Variants in TG observed in about 807,000 individuals in gnomAD.
TG encodes thyroglobulin.
Under a neutral mutation model 324.7 loss-of-function variants are expected in TG, and 270 were observed. The ratio of observed to expected loss-of-function variants is 0.83; its 90% CI spans 0.75 to 0.92. The LOEUF is 0.92. Among genes scored for constraint, TG ranks in the 40% least tolerant of loss-of-function variants. The probability of loss-of-function intolerance (pLI) is 0.00; values close to 1 mark genes in which losing one functional copy is unlikely to be tolerated. For synonymous variants in TG, 1,401 were observed against 1,327.0 expected, an observed-to-expected ratio of 1.06 and a Z score of -1.21; for missense variants, 3,591 against 3,456.4, an observed-to-expected ratio of 1.04 and a Z score of -0.98.
intron 45 of TG, among the ~76,000 whole-genome samples, chr8:133,120,426 AG>A (rs1851051182): frequency 6.6e-6 from 1 of 152,218 alleles, no homozygotes; most frequent in South Asian, 2.1e-4. Flanking sequence ...AAAACTGGGC[AG>A]CTTAGAGCAA....
At chr8:133,096,089 T>C (rs1588083924) in intron 42 of TG, 117 bp from the exon 43 acceptor site, 4 of 1,317,454 alleles carry the variant, frequency 3.0e-6, no homozygotes, top group Non-Finnish European at 4.3e-6. Flanking sequence ...TCACTTTTTC[T>C]CAGTAGAGTC....
At chr8:133,038,787 T>C (rs771000463) in intron 41 of TG, 50 of 1,318,056 alleles carry the variant, frequency 3.8e-5, no homozygotes, top group African/African-American at 1.2e-4. Context: ...AAGAGAGTCA[T>C]AGAGAGAGGA....
rs541592704 is a variant in TG, at chr8:132,941,547, T to A, written c.5233+5T>A. On this transcript the variant is annotated splice_donor_5th_base_variant and intron_variant, in intron 26 of 47. Transcript: ENST00000220616. ...TCCTCACACAGGTTCAAGGAGGTAA[T>A]GTTGGCAGTGAGGGCCAGGGCCTAA... 1 of 1,614,088 alleles carries A rather than the reference T, an allele frequency of 6.2e-7. No homozygotes were observed. The highest frequency in any genetic ancestry group is 1.1e-5 in the South Asian group (1 of 91,090).
chr8:132,927,662 G>T (rs1342207256), intron 22 of TG, among the ~76,000 whole-genome samples: 3 of 152,268 alleles, frequency 2.0e-5, no homozygotes, highest in Non-Finnish European at 1.5e-5. Flanking sequence ...TATCACCAAG[G>T]TGTCTCTTTT....
chr8:132,909,457 G>T (rs757877459), intron 18 of TG, among the ~76,000 whole-genome samples: 28 of 152,302 alleles, frequency 1.8e-4, no homozygotes, highest in Non-Finnish European at 3.2e-4. Flanking sequence ...GAGAGCTGAG[G>T]ACCATGCTGA....
At chr8:133,024,211 C>T (rs1443709694) in intron 40 of TG, among the ~76,000 whole-genome samples, 1 of 152,246 alleles carries the variant, frequency 6.6e-6, no homozygotes, top group Non-Finnish European at 1.5e-5. Context: ...GTAGTGCAGG[C>T]AGCTCCCTCA....
intron 45 of TG, 152 bp from the exon 46 acceptor site, chr8:133,131,660 C>T (rs1295983758): frequency 2.6e-6 from 3 of 1,144,480 alleles, no homozygotes; most frequent in South Asian, 1.6e-5. Flanking sequence ...GCCAAATCTC[C>T]ATTCAACTGG....
chr8:133,013,662 T>G lies in TG; in HGVS notation c.6460T>G (p.Cys2154Gly). ...GCAAACCCAACCTGGGGCTGTGAGA[T>G]GTATGTTCTATGCTGATACTCAAAG... ...TLQTQPGAVR[C>G]MFYADTQSCT... The change falls in exon 37 of 48, where the codon TGT becomes GGT. Residue 2154 changes from cysteine to glycine, a missense_variant. Transcript: ENST00000220616. 1 of 1,614,190 alleles carries G rather than the reference T, an allele frequency of 6.2e-7. No individual in the cohort carries two copies. Among genetic ancestry groups the G allele is most frequent in the Non-Finnish European group, 8.5e-7 (1 of 1,180,034 alleles).
chr8:133,029,792 A>G (rs1348793035), intron 40 of TG, 29 bp from the exon 41 acceptor site: 1 of 1,613,760 alleles, frequency 6.2e-7, no homozygotes, highest in Non-Finnish European at 8.5e-7. Flanking sequence ...AAAGTCACAA[A>G]GGATAAAAGG....
At chr8:132,930,348 A>G in intron 23 of TG, among the ~76,000 whole-genome samples, 1 of 152,170 alleles carries the variant, frequency 6.6e-6, no homozygotes, top group East Asian at 1.9e-4. Context: ...GGATTGTCAT[A>G]TACCTGCTCA....
intron 35 of TG, among the ~76,000 whole-genome samples, chr8:133,008,375 C>G (rs887712240): frequency 6.6e-6 from 1 of 152,070 alleles, no homozygotes; most frequent in Non-Finnish European, 1.5e-5. Flanking sequence ...AGAAGAAACA[C>G]CCACCAAAAC....
At chr8:132,987,000 CA>C (rs1456500391) in intron 35 of TG, among the ~76,000 whole-genome samples, 4 of 151,916 alleles carry the variant, frequency 2.6e-5, no homozygotes, top group African/African-American at 9.7e-5. Context: ...GGTGATTTTA[CA>C]ATGCTTCCAC....
intron 40 of TG, among the ~76,000 whole-genome samples, chr8:133,025,125 C>T (rs1012383693): frequency 6.6e-6 from 1 of 152,234 alleles, no homozygotes; most frequent in Non-Finnish European, 1.5e-5. Context: ...CAAAGACATT[C>T]ACATCCTCAC....
intron 26 of TG, among the ~76,000 whole-genome samples, chr8:132,944,386 C>T (rs1039022929): frequency 9.9e-5 from 15 of 152,214 alleles, no homozygotes; most frequent in African/African-American, 3.4e-4. Flanking sequence ...TTAGGCTCTC[C>T]TTGTGATTTC....
intron 29 of TG, among the ~76,000 whole-genome samples, chr8:132,965,567 C>T (rs896355653): frequency 6.6e-6 from 1 of 152,324 alleles, no homozygotes; most frequent in African/African-American, 2.4e-5. Flanking sequence ...GTTGTACATC[C>T]CCCTGGAAGA....
chr8:133,106,484 G>A, intron 43 of TG: 6 of 985,066 alleles, frequency 6.1e-6, no homozygotes, highest in Non-Finnish European at 7.2e-6. Flanking sequence ...AAGGTAGGGT[G>A]AGGCTCTCCC....
chr8:133,086,678 A>G (rs1846614598), intron 41 of TG, among the ~76,000 whole-genome samples: 5 of 152,222 alleles, frequency 3.3e-5, no homozygotes, highest in Admixed American at 1.3e-4. Flanking sequence ...ACCTGAAACA[A>G]TAATAGCCAT....
chr8:132,931,904 T>C (rs1177836858), intron 23 of TG, among the ~76,000 whole-genome samples: 3 of 151,884 alleles, frequency 2.0e-5, no homozygotes, highest in African/African-American at 7.3e-5. Context: ...GTGGTGAAAC[T>C]GCATCTCTAC....
At chr8:133,118,250 G>A (rs1000341853) in intron 45 of TG, among the ~76,000 whole-genome samples, 10 of 151,336 alleles carry the variant, frequency 6.6e-5, no homozygotes, top group Admixed American at 6.6e-5. Flanking sequence ...CTGCCACTAC[G>A]GGAAAGAAAG....
Sources: gnomAD v4.1 joint callset for allele counts (sites outside exome capture counted in the v4.1 genomes callset) on GRCh38, gnomAD v4.1.1 for gene constraint, MANE v1.5 for transcripts, NCBI Gene and HGNC (gene_info 2026-07-23, HGNC 2026-07-21) for gene names.